Variants in CBFA2T2 observed in about 807,000 individuals in gnomAD.
The protein encoded by CBFA2T2 is protein CBFA2T2.
CBFA2T2 carries 11 observed loss-of-function variants against 62.2 expected under a neutral mutation model. That is an observed-to-expected ratio of 0.18 (90% CI 0.11 to 0.29). CBFA2T2 has a LOEUF of 0.29. CBFA2T2 is among the 10% of genes least tolerant of loss of function. The pLI, the probability that CBFA2T2 is intolerant of heterozygous loss-of-function variation, is 1.00. For missense variants in CBFA2T2, 592 were observed against 774.1 expected (o/e 0.76, Z 2.79); for synonymous variants, 295 against 287.5 (o/e 1.03, Z -0.27).
intron 1 of CBFA2T2, among the ~76,000 whole-genome samples, chr20:33,517,609 A>G (rs2011624814): frequency 6.6e-6 from 1 of 151,306 alleles, no homozygotes; most frequent in South Asian, 2.1e-4. Context: ...GTCACCATGC[A>G]CAGCTTTTTT....
At position 33,648,650 on chromosome 20, in the gene CBFA2T2, T is replaced by G. The variant is rs994927653; in HGVS notation, c.*4004T>G. 1 of 152,168 alleles carries G rather than the reference T, an allele frequency of 6.6e-6. No homozygotes were observed. The highest frequency in any genetic ancestry group is 1.5e-5 in the Non-Finnish European group (1 of 68,024). 9.4% of individuals were successfully genotyped at this position (152,168 alleles called of 1,614,324 possible). ...TGGGGTCACCGATTGCGTAGATTAT[T>G]TCTAGGGCAGTGCTGGGTTAGAAAT... On this transcript the variant is annotated 3_prime_UTR_variant, in exon 11 of 11. Transcript: ENST00000342704.
intron 1 of CBFA2T2, among the ~76,000 whole-genome samples, chr20:33,540,850 A>G (rs1033907253): frequency 3.9e-5 from 6 of 152,224 alleles, no homozygotes; most frequent in African/African-American, 1.2e-4. Context: ...GGCATAGCCT[A>G]TAACTCCAGA....
At chr20:33,642,110 T>G (rs903472644) in intron 10 of CBFA2T2, among the ~76,000 whole-genome samples, 63 of 77,048 alleles carry the variant, frequency 8.2e-4, no homozygotes, top group African/African-American at 4.3e-3. Context: ...TTTGTCTTTT[T>G]TTTTTTTGTG....
chr20:33,562,126 A>ATGTGAGTC (rs1250962364), intron 1 of CBFA2T2, among the ~76,000 whole-genome samples: 2 of 152,216 alleles, frequency 1.3e-5, no homozygotes, highest in African/African-American at 4.8e-5. Context: ...GTTCCCAAAA[A>ATGTGAGTC]TGTGAGTCTG....
At chr20:33,554,900 G>T (rs2012852304) in intron 1 of CBFA2T2, among the ~76,000 whole-genome samples, 1 of 151,882 alleles carries the variant, frequency 6.6e-6, no homozygotes, top group Non-Finnish European at 1.5e-5. Flanking sequence ...GTATTAAAAT[G>T]AATATTACAT....
intron 1 of CBFA2T2, among the ~76,000 whole-genome samples, chr20:33,494,528 G>A (rs1190590320): frequency 2.0e-5 from 3 of 151,236 alleles, no homozygotes; most frequent in South Asian, 2.1e-4. Context: ...TGATCCGCCC[G>A]CCTCGGCCTC....
rs1368461460 is a variant in CBFA2T2, at chr20:33,647,045, A to G, written c.*2399A>G. ...GAATCATGTTCCTTTGCTGTGGAAC[A>G]CATAAGCCCCACAGTTTTCCAGTCA... On this transcript the variant is annotated 3_prime_UTR_variant, in exon 11 of 11. Coordinates refer to ENST00000342704, the MANE Select transcript of CBFA2T2 (RefSeq NM_001032999.3). 2 of 152,186 alleles carry G rather than the reference A, an allele frequency of 1.3e-5. No homozygotes were observed. Among genetic ancestry groups the G allele is most frequent in the Non-Finnish European group, 2.9e-5 (2 of 68,048 alleles). The allele number at this position is 152,186 out of a possible 1,614,324, so 9.4% of individuals were successfully genotyped here. A position where few individuals can be genotyped will look rare whatever the true frequency, so the allele number is the denominator to read the frequency against.
At chr20:33,554,199 T>C (rs765424825) in intron 1 of CBFA2T2, among the ~76,000 whole-genome samples, 2 of 152,072 alleles carry the variant, frequency 1.3e-5, no homozygotes, top group Non-Finnish European at 2.9e-5. Flanking sequence ...TAAGGAGTTA[T>C]TACAATGAAA....
At chr20:33,640,577 C>G in intron 10 of CBFA2T2, 46 bp downstream of exon 10, 1 of 1,556,834 alleles carries the variant, frequency 6.4e-7, no homozygotes, top group Non-Finnish European at 8.8e-7. Flanking sequence ...GCTGGAGTGA[C>G]CACGCCCGCT....
In CBFA2T2 at chr20:33,579,093, G is replaced by GT. The variant is rs1475278855; in HGVS notation, c.35-27856dup. On this transcript the variant is annotated intron_variant, in intron 1 of 10. Coordinates refer to ENST00000342704, the MANE Select transcript of CBFA2T2 (RefSeq NM_001032999.3). ...GTTCAACCCAATGAGTGCCTTTTTG[G>GT]TTTTTTTGGGGGTTTTTTTTTGTTT... is the stretch of plus-strand genomic sequence containing the variant. Among the ~76,000 whole-genome samples the GT allele has an allele frequency of 2.1e-5, 3 of 145,862 alleles. No homozygotes were observed. In the East Asian group the frequency reaches 6.0e-4, roughly 29 times the overall value.
chr20:33,560,875 C>T (rs1302493985), intron 1 of CBFA2T2, among the ~76,000 whole-genome samples: 2 of 151,964 alleles, frequency 1.3e-5, no homozygotes, highest in African/African-American at 4.8e-5. Context: ...TCTTTTTTTG[C>T]TTTTGCTTTT....
chr20:33,577,791 C>G (rs1339133677), intron 1 of CBFA2T2, among the ~76,000 whole-genome samples: 2 of 152,134 alleles, frequency 1.3e-5, no homozygotes, highest in East Asian at 3.8e-4. Context: ...GCCTTAGCTT[C>G]TGGTTAAATA....
chr20:33,565,154 C>A (rs1223759028), intron 1 of CBFA2T2, among the ~76,000 whole-genome samples: 1 of 151,882 alleles, frequency 6.6e-6, no homozygotes, highest in East Asian at 1.9e-4. Flanking sequence ...CTCCTGACCT[C>A]ATGATCTGCC....
At chr20:33,644,308 C>G (rs1166739926) in intron 10 of CBFA2T2, 39 bp from the exon 11 acceptor site, 1 of 1,582,144 alleles carries the variant, frequency 6.3e-7, no homozygotes, top group Non-Finnish European at 8.6e-7. Context: ...GCCTGCCCCT[C>G]AATCCCAGCA....
chr20:33,496,992 G>A (rs555765548), intron 1 of CBFA2T2, among the ~76,000 whole-genome samples: 35 of 152,114 alleles, frequency 2.3e-4, no homozygotes, highest in Admixed American at 3.3e-4. Context: ...TGGTCCTCTC[G>A]GCCGGGTGCG....
rs376048540 is a variant in CBFA2T2, at chr20:33,559,172, C to CTTTTTTTTTTTTTTTTTTTTTTT, written c.35-47763_35-47762insTTTTTTTTTTTTTTTTTTTTTTT. ...CAATTGCAGCTTCTTTTTTTCCTTT[C>CTTTTTTTTTTTTTTTTTTTTTTT]TTTTTTTTTTTTTTTTTTTTTCTGA... is the stretch of plus-strand genomic sequence containing the variant. On this transcript the variant is annotated intron_variant, in intron 1 of 10. Transcript: ENST00000342704. Among the ~76,000 whole-genome samples, 12 of 87,626 alleles carry CTTTTTTTTTTTTTTTTTTTTTTT rather than the reference C, an allele frequency of 1.4e-4. 2 individuals carry two copies. Among genetic ancestry groups the CTTTTTTTTTTTTTTTTTTTTTTT allele is most frequent in the African/African-American group, 5.2e-4 (10 of 19,070 alleles). 57.5% of individuals were successfully genotyped at this position (87,626 alleles called of 152,430 possible).
At chr20:33,523,930 C>T (rs2011808289) in intron 1 of CBFA2T2, among the ~76,000 whole-genome samples, 1 of 152,006 alleles carries the variant, frequency 6.6e-6, no homozygotes, top group South Asian at 2.1e-4. Context: ...GTGATCCGCC[C>T]GCCTCGGCCT....
intron 2 of CBFA2T2, among the ~76,000 whole-genome samples, chr20:33,609,495 C>T (rs1490500393): frequency 2.0e-5 from 3 of 151,814 alleles, no homozygotes; most frequent in Admixed American, 6.6e-5. Context: ...GAGCAAGACT[C>T]GGTCTCTAAA....
intron 9 of CBFA2T2, chr20:33,638,814 T>C (rs1410091622): frequency 6.6e-6 from 1 of 152,182 alleles, no homozygotes; most frequent in Non-Finnish European, 1.5e-5. Flanking sequence ...TTGCAGCGTC[T>C]ACATTAGGGA....
Sources: gnomAD v4.1 joint callset for allele counts (sites outside exome capture counted in the v4.1 genomes callset) on GRCh38, gnomAD v4.1.1 for gene constraint, MANE v1.5 for transcripts, NCBI Gene and HGNC (gene_info 2026-07-23, HGNC 2026-07-21) for gene names.